Variants in DEPDC7 observed in about 807,000 individuals in gnomAD.
DEPDC7 encodes DEP domain-containing protein 7.
Under a neutral mutation model 56.6 loss-of-function variants are expected in DEPDC7, and 41 were observed. The observed-to-expected ratio is 0.72, with a 90% confidence interval of 0.56 to 0.94. The LOEUF is 0.94. Ranked by LOEUF, DEPDC7 falls within the 40% of genes least tolerant of loss-of-function variation. The pLI, the probability that DEPDC7 is intolerant of heterozygous loss-of-function variation, is 0.00. For missense variants in DEPDC7, 522 were observed against 596.3 expected (o/e 0.88, Z 1.30); for synonymous variants, 185 against 208.8 (o/e 0.89, Z 0.98).
At chr11:33,019,938 A>G (rs1853506294) in intron 1 of DEPDC7, among the ~76,000 whole-genome samples, 1 of 143,942 alleles carries the variant, frequency 6.9e-6, no homozygotes, top group South Asian at 2.2e-4. Context: ...AATTTGTTAT[A>G]TGTTCATTAA....
At chr11:33,026,221 C>T in intron 2 of DEPDC7, 172 bp downstream of exon 2, 2 of 659,762 alleles carry the variant, frequency 3.0e-6, no homozygotes, top group Non-Finnish European at 5.2e-6. Flanking sequence ...TATTGGGTGT[C>T]TCCTAGTCAT....
chr11:33,028,041 G>T, intron 3 of DEPDC7: 1 of 363,446 alleles, frequency 2.8e-6, no homozygotes, highest in East Asian at 4.6e-5. Context: ...GCTGGCAAAG[G>T]TTCAGATCTG....
At position 33,027,715 on chromosome 11, in the gene DEPDC7, A is replaced by G; in HGVS notation, c.494A>G (p.Asp165Gly). 2 of 1,556,086 alleles carry G rather than the reference A, an allele frequency of 1.3e-6. No individual in the cohort carries two copies. Among genetic ancestry groups the G allele is most frequent in the African/African-American group, 2.8e-5 (2 of 70,920 alleles). The change falls in exon 3 of 9, where the codon GAT (aspartate) becomes GGT (glycine). Residue 165 changes from aspartate to glycine, a missense_variant. By Grantham distance (94) the Asp-to-Gly change is moderately conservative (BLOSUM62 -1). Coordinates refer to ENST00000241051, the MANE Select transcript of DEPDC7 (RefSeq NM_001077242.2). ...RYADALFKSS[D>G]IRSASLEDLW... Reference sequence around the variant, plus strand: ...GCAGATGCATTATTTAAGTCATCCGATATCAGATCAGCCAGTTTAGAGGAC... The same window carrying G: ...GCAGATGCATTATTTAAGTCATCCGGTATCAGATCAGCCAGTTTAGAGGAC...
intron 1 of DEPDC7, among the ~76,000 whole-genome samples, chr11:33,023,573 G>A (rs1434946684): frequency 6.6e-6 from 1 of 152,006 alleles, no homozygotes; most frequent in Non-Finnish European, 1.5e-5. Context: ...TTGCTTTGTC[G>A]TCCAGGCTGG....
chr11:33,032,862 T>A, intron 7 of DEPDC7, 27 bp from the exon 8 acceptor site: 2 of 1,579,852 alleles, frequency 1.3e-6, no homozygotes, highest in Non-Finnish European at 1.7e-6. Context: ...ATTTGAATAA[T>A]GTCCCATGTC....
At chr11:33,021,655 A>G (rs1455154268) in intron 1 of DEPDC7, among the ~76,000 whole-genome samples, 1 of 152,134 alleles carries the variant, frequency 6.6e-6, no homozygotes, top group African/African-American at 2.4e-5. Flanking sequence ...AACATGAGCT[A>G]GTTTGTGGGT....
rs760704990 is a variant in DEPDC7, at chr11:33,028,675, C to T, written c.665C>T (p.Ser222Phe). The T allele has an allele frequency of 3.1e-6, 5 of 1,613,728 alleles. No individual in the cohort carries two copies. The South Asian group carries it at 5.5e-5, about 18-fold the overall frequency. The change falls in exon 4 of 9, where the codon TCC becomes TTC. Residue 222 changes from serine to phenylalanine, a missense_variant. By Grantham distance (155) the Ser-to-Phe change is radical. Coordinates refer to ENST00000241051, the MANE Select transcript of DEPDC7 (RefSeq NM_001077242.2). ...CTTGTAGACCTTCCACTTCTTGACTCCTTACTGAAACAGCAAGAGGCTGTA... is the reference window on the plus strand; with the variant it reads ...CTTGTAGACCTTCCACTTCTTGACTTCTTACTGAAACAGCAAGAGGCTGTA... ...LQLVDLPLLD[S>F]LLKQQEAVPK...
chr11:33,031,104 T>C (rs1399342277), intron 4 of DEPDC7, among the ~76,000 whole-genome samples: 3 of 152,210 alleles, frequency 2.0e-5, no homozygotes, highest in South Asian at 2.1e-4. Flanking sequence ...GAGTTTGAAT[T>C]TGTACGCTCT....
intron 1 of DEPDC7, 95 bp downstream of exon 1, chr11:33,016,123 C>T: frequency 8.1e-7 from 1 of 1,241,912 alleles, no homozygotes. Flanking sequence ...GGGCGTTCGG[C>T]CGCCTGCGCC....
At chr11:33,016,646 A>T in intron 1 of DEPDC7, 1 of 1,563,824 alleles carries the variant, frequency 6.4e-7, no homozygotes, top group South Asian at 1.1e-5. Flanking sequence ...TTGGCTAAAA[A>T]AACAGTTACA....
Position 33,015,914 on chromosome 11 carries a change from T to C in DEPDC7, c.-42T>C, listed in dbSNP as rs1853450847. On this transcript the variant is annotated 5_prime_UTR_variant, in exon 1 of 9. Coordinates refer to ENST00000241051, the MANE Select transcript of DEPDC7 (RefSeq NM_001077242.2). ...ACGGGCGCTCAGGGAGCTAGGGAGC[T>C]GTGAAGCTGCTGGAGGAGTTGGCGT... The C allele has an allele frequency of 1.3e-6, 2 of 1,538,276 alleles. No homozygotes were observed. Among genetic ancestry groups the C allele is most frequent in the Admixed American group, 2.0e-5 (1 of 50,414 alleles).
intron 1 of DEPDC7, chr11:33,016,500 T>A: frequency 1.9e-6 from 3 of 1,613,242 alleles, no homozygotes; most frequent in Non-Finnish European, 2.5e-6. Flanking sequence ...CTGCTAGGAG[T>A]CAAGAGTCAG....
In DEPDC7 at chr11:33,026,007, A is replaced by G; in HGVS notation, c.422A>G (p.Asp141Gly). ...LYRFTTIPNQDSQLGKENKLY... is the reference protein window; with the variant it reads ...LYRFTTIPNQGSQLGKENKLY... ...AGATTCACCACAATACCTAACCAAG[A>G]CAGTCAGTTAGGCAAAGAGAACAAA... The change falls in exon 2 of 9, where the codon GAC becomes GGC. Residue 141 changes from aspartate to glycine, a missense_variant. Physicochemically the swap from Asp to Gly is moderately conservative, Grantham distance 94. Transcript: ENST00000241051. 4.3e-6 allele frequency: 7 copies of G among 1,614,058 alleles called. No homozygotes were observed. The highest frequency in any genetic ancestry group is 4.2e-6 in the Non-Finnish European group (5 of 1,179,984).
rs766170609 is a variant in DEPDC7 at position 33,028,807 on chromosome 11, A to G, written c.782+15A>G. 3 of 1,569,804 alleles carry G rather than the reference A, an allele frequency of 1.9e-6. No homozygotes were observed. The highest frequency in any genetic ancestry group is 1.2e-5 in the South Asian group (1 of 84,364). The stretch of plus-strand genomic sequence containing the variant: ...AGTGACTCTCAGTATGTGGAAATAC[A>G]TATAATAATTTGAGTGTGTTTGTAG... On this transcript the variant is annotated intron_variant, in intron 4 of 8. Transcript: ENST00000241051.
intron 3 of DEPDC7, chr11:33,028,152 A>T (rs1372965933): frequency 2.4e-5 from 5 of 204,126 alleles, no homozygotes; most frequent in South Asian, 1.6e-4. Context: ...ACATTAAAAC[A>T]TTAACAGAAT....
rs189590584 is a variant in DEPDC7 at position 33,032,636 on chromosome 11, T to C, written c.1138-32T>C. ...ATATTAAACTTGTCTCTTAAATATA[T>C]ACTATTGGATATATTTGTTTTATTT... On this transcript the variant is annotated intron_variant, in intron 6 of 8. Coordinates refer to ENST00000241051, the MANE Select transcript of DEPDC7 (RefSeq NM_001077242.2). The C allele has an allele frequency of 5.5e-6, 8 of 1,453,834 alleles. No homozygotes were observed. The African/African-American group carries it at 1.0e-4, about 18-fold the overall frequency. The allele number at this position is 1,453,834 out of a possible 1,614,324, so 90.1% of individuals were successfully genotyped here.
intron 1 of DEPDC7, among the ~76,000 whole-genome samples, chr11:33,020,269 G>A (rs189066488): frequency 1.2e-4 from 18 of 152,210 alleles, no homozygotes; most frequent in East Asian, 5.8e-4. Flanking sequence ...GGTACTACAC[G>A]TATATATAAG....
At chr11:33,020,381 GT>G (rs1419282760) in intron 1 of DEPDC7, among the ~76,000 whole-genome samples, 2 of 152,098 alleles carry the variant, frequency 1.3e-5, no homozygotes, top group African/African-American at 2.4e-5. Context: ...AATAGCTATT[GT>G]TTTCAAGCAA....
Position 33,027,691 on chromosome 11 carries a change from C to T in DEPDC7, c.470C>T (p.Ala157Val). Residue 157 changes from alanine (A) to valine (V), a missense_variant, in exon 3 of 9, where the codon GCA (alanine) becomes GTA (valine). Ala to Val is a moderately conservative substitution (Grantham distance 64, BLOSUM62 0). Coordinates refer to ENST00000241051, the MANE Select transcript of DEPDC7 (RefSeq NM_001077242.2). Reference protein sequence around the residue: ...ENKLYSPARYADALFKSSDIR... With the variant: ...ENKLYSPARYVDALFKSSDIR... ...CTGAAATAAATTCATTTTAGGTATG[C>T]AGATGCATTATTTAAGTCATCCGAT... 2 of 1,518,476 alleles carry T rather than the reference C, an allele frequency of 1.3e-6. No homozygotes were observed. Among genetic ancestry groups the T allele is most frequent in the Non-Finnish European group, 1.8e-6 (2 of 1,141,026 alleles). The allele number at this position is 1,518,476 out of a possible 1,614,324, so 94.1% of individuals were successfully genotyped here. A position where few individuals can be genotyped will look rare whatever the true frequency, so the allele number is the denominator to read the frequency against.
Sources: gnomAD v4.1 joint callset for allele counts (sites outside exome capture counted in the v4.1 genomes callset) on GRCh38, gnomAD v4.1.1 for gene constraint, MANE v1.5 for transcripts, NCBI Gene and HGNC (gene_info 2026-07-23, HGNC 2026-07-21) for gene names.